PDE4B: variants seen among roughly 807,000 people sequenced by gnomAD.
PDE4B encodes 3',5'-cyclic-AMP phosphodiesterase 4B.
In PDE4B, 20 loss-of-function variants were observed where a neutral mutation model predicts 82.2. The observed-to-expected ratio is 0.24, with a 90% CI of 0.17 to 0.35. The LOEUF is 0.35. Ranked by LOEUF, PDE4B falls within the 10% of genes least tolerant of loss-of-function variation. PDE4B has a pLI of 1.00. For synonymous variants in PDE4B, 320 were observed against 318.9 expected, an observed-to-expected ratio of 1.00 and a Z score of -0.04; for missense variants, 655 against 907.2, an observed-to-expected ratio of 0.72 and a Z score of 3.57.
At chr1:66,293,727 C>A (rs1292380420) in intron 7 of PDE4B, among the ~76,000 whole-genome samples, 1 of 152,068 alleles carries the variant, frequency 6.6e-6, no homozygotes. Flanking sequence ...CTTTAGAAAC[C>A]AAGAAAATAA....
At chr1:66,012,624 G>A (rs993659612) in intron 3 of PDE4B, among the ~76,000 whole-genome samples, 4 of 152,074 alleles carry the variant, frequency 2.6e-5, no homozygotes, top group African/African-American at 9.7e-5. Flanking sequence ...AAACTTAGCA[G>A]TCGTCTTACT....
At chr1:66,238,109 T>C (rs1652605582) in intron 3 of PDE4B, among the ~76,000 whole-genome samples, 1 of 151,470 alleles carries the variant, frequency 6.6e-6, no homozygotes. Flanking sequence ...ATCCAGAGAG[T>C]AGAGGAGAAA....
intron 3 of PDE4B, among the ~76,000 whole-genome samples, chr1:66,195,476 A>C (rs1648219147): frequency 6.6e-6 from 1 of 152,180 alleles, no homozygotes; most frequent in Non-Finnish European, 1.5e-5. Flanking sequence ...AGTGTTTATG[A>C]ATAATACTTT....
intron 8 of PDE4B, among the ~76,000 whole-genome samples, chr1:66,337,667 C>T (rs1660636056): frequency 6.6e-6 from 1 of 152,170 alleles, no homozygotes; most frequent in Admixed American, 6.5e-5. Flanking sequence ...GGATATCTGT[C>T]AAGGTAAAGG....
intron 8 of PDE4B, among the ~76,000 whole-genome samples, chr1:66,340,683 CT>C (rs1338690856): frequency 6.6e-6 from 1 of 152,030 alleles, no homozygotes; most frequent in African/African-American, 2.4e-5. Context: ...AATGTTTTAA[CT>C]TTAAGCAATT....
chr1:65,973,335 A>G (rs891330464), intron 3 of PDE4B, among the ~76,000 whole-genome samples: 1 of 151,918 alleles, frequency 6.6e-6, no homozygotes, highest in Non-Finnish European at 1.5e-5. Context: ...AATAATATAT[A>G]CTGTATTTTA....
intron 3 of PDE4B, among the ~76,000 whole-genome samples, chr1:66,113,767 TCA>T (rs1266507507): frequency 1.3e-5 from 2 of 152,306 alleles, no homozygotes; most frequent in Non-Finnish European, 2.9e-5. Context: ...TAGAAATAGC[TCA>T]GTTTCTTTAA....
intron 1 of PDE4B, among the ~76,000 whole-genome samples, chr1:65,877,173 A>C (rs1478942177): frequency 1.3e-5 from 2 of 152,246 alleles, no homozygotes; most frequent in Non-Finnish European, 2.9e-5. Flanking sequence ...TACAGTAACC[A>C]AAACAGCATG....
chr1:66,182,759 C>T (rs1304238776), intron 3 of PDE4B, among the ~76,000 whole-genome samples: 1 of 152,156 alleles, frequency 6.6e-6, no homozygotes, highest in Non-Finnish European at 1.5e-5. Context: ...TAAACCTGCA[C>T]ATAAATGAAA....
intron 8 of PDE4B, among the ~76,000 whole-genome samples, chr1:66,351,525 T>C (rs972380313): frequency 6.6e-6 from 1 of 152,224 alleles, no homozygotes; most frequent in Non-Finnish European, 1.5e-5. Context: ...CCTTCCTTTG[T>C]TATGGTCTGA....
intron 3 of PDE4B, among the ~76,000 whole-genome samples, chr1:66,011,646 A>G (rs1416784910): frequency 6.6e-6 from 1 of 152,134 alleles, no homozygotes; most frequent in Non-Finnish European, 1.5e-5. Flanking sequence ...TGGCAAGTAC[A>G]TGTTTTAAAA....
chr1:66,252,977 G>C (rs1466311335), intron 4 of PDE4B, among the ~76,000 whole-genome samples: 9 of 152,010 alleles, frequency 5.9e-5, no homozygotes, highest in Non-Finnish European at 8.8e-5. Context: ...TAAAATAATC[G>C]TTAAGTTGAG....
At chr1:65,990,998 C>T (rs963319692) in intron 3 of PDE4B, among the ~76,000 whole-genome samples, 1 of 152,200 alleles carries the variant, frequency 6.6e-6, no homozygotes, top group African/African-American at 2.4e-5. Flanking sequence ...CTTACTTGCT[C>T]CTACATGTAG....
chr1:66,137,087 A>G (rs1237266980), intron 3 of PDE4B, among the ~76,000 whole-genome samples: 5 of 152,204 alleles, frequency 3.3e-5, no homozygotes, highest in Non-Finnish European at 7.3e-5. Flanking sequence ...TAGATATTAG[A>G]TACAGGAGAT....
chr1:65,844,800 G>T (rs1646250580), intron 1 of PDE4B, among the ~76,000 whole-genome samples: 1 of 152,196 alleles, frequency 6.6e-6, no homozygotes, highest in Non-Finnish European at 1.5e-5. Flanking sequence ...CTTAGAGGTT[G>T]TGACCAGCTG....
At chr1:66,154,571 A>G (rs495272) in intron 3 of PDE4B, among the ~76,000 whole-genome samples, 40,428 of 152,136 alleles carry the variant, frequency 0.27, 6,728 homozygotes, top group Middle Eastern at 0.43. Context: ...TGTGAATTAA[A>G]CATGCTGTTT....
At chr1:66,060,336 T>A (rs1655520352) in intron 3 of PDE4B, among the ~76,000 whole-genome samples, 2 of 152,226 alleles carry the variant, frequency 1.3e-5, no homozygotes, top group Admixed American at 1.3e-4. Flanking sequence ...TTTTACTTGC[T>A]GTAAAATTCT....
intron 4 of PDE4B, among the ~76,000 whole-genome samples, chr1:66,251,482 T>C (rs759004832): frequency 2.0e-5 from 3 of 152,222 alleles, no homozygotes; most frequent in Non-Finnish European, 2.9e-5. Flanking sequence ...CATTCTCTCT[T>C]TTAATAAGTA....
At chr1:65,828,501 C>A (rs1031320324) in intron 1 of PDE4B, among the ~76,000 whole-genome samples, 1 of 152,140 alleles carries the variant, frequency 6.6e-6, no homozygotes, top group Non-Finnish European at 1.5e-5. Context: ...CTGCCTTGGC[C>A]TCTGAAAGTG....
Sources: gnomAD v4.1 joint callset for allele counts (sites outside exome capture counted in the v4.1 genomes callset) on GRCh38, gnomAD v4.1.1 for gene constraint, MANE v1.5 for transcripts, NCBI Gene and HGNC (gene_info 2026-07-23, HGNC 2026-07-21) for gene names.